GREB1L: variants seen among roughly 807,000 people sequenced by gnomAD.
The protein encoded by GREB1L is GREB1-like protein.
A neutral mutation model predicts 200.8 loss-of-function variants in GREB1L; 17 were observed. That is an observed-to-expected ratio of 0.08 (90% CI 0.06 to 0.13). The LOEUF is 0.13. Among genes scored for constraint, GREB1L ranks in the 10% least tolerant of loss-of-function variants. GREB1L has a pLI of 1.00. For synonymous variants in GREB1L, 789 were observed against 893.0 expected (o/e 0.88, Z 2.08); for missense variants, 1,657 against 2,367.7 (o/e 0.70, Z 6.23).
intron 2 of GREB1L, among the ~76,000 whole-genome samples, chr18:21,369,981 G>T (rs1227566845): frequency 3.4e-5 from 5 of 148,944 alleles, no homozygotes; most frequent in Non-Finnish European, 7.4e-5. Flanking sequence ...AAAGAAAAAA[G>T]AAATTCATCC....
At chr18:21,473,858 G>A (rs766682446) in intron 16 of GREB1L, among the ~76,000 whole-genome samples, 57 of 152,140 alleles carry the variant, frequency 3.7e-4, no homozygotes, top group Non-Finnish European at 7.3e-4. Flanking sequence ...CATAAGGCAG[G>A]GAGGAGCAAG....
At chr18:21,306,428 T>C (rs531137762) in intron 1 of GREB1L, among the ~76,000 whole-genome samples, 6 of 152,338 alleles carry the variant, frequency 3.9e-5, no homozygotes, top group African/African-American at 1.4e-4. Flanking sequence ...CTAGCAATCA[T>C]AGCTTTTTCT....
chr18:21,499,839 G>A lies in GREB1L; in HGVS notation c.3502G>A (p.Gly1168Arg), dbSNP rs1453041264. Residue 1168 changes from glycine (G) to arginine (R), a missense_variant, in exon 22 of 33, where the codon GGG becomes AGG. Gly to Arg is a moderately radical substitution (Grantham distance 125). This residue lies in a region of GREB1L where 512 missense variants were observed against 668.3 expected (regional missense o/e 0.77). Transcript: ENST00000424526. ...AGCCACCAGCTTGGGGCTGGATGAAGGGGTCTCCGCCAGCTCAGCTGGAGC... is the reference window on the plus strand; with the variant it reads ...AGCCACCAGCTTGGGGCTGGATGAAAGGGTCTCCGCCAGCTCAGCTGGAGC... ...SPATSLGLDEGVSASSAGAGA... is the reference protein window; with the variant it reads ...SPATSLGLDERVSASSAGAGA... The A allele has an allele frequency of 6.4e-7, 1 of 1,551,566 alleles. No individual in the cohort carries two copies. The highest frequency in any genetic ancestry group is 1.4e-5 in the African/African-American group (1 of 73,060).
At chr18:21,338,502 C>T (rs1016968367) in intron 1 of GREB1L, among the ~76,000 whole-genome samples, 3 of 152,218 alleles carry the variant, frequency 2.0e-5, no homozygotes, top group African/African-American at 7.2e-5. Flanking sequence ...CTTGCTACTC[C>T]AGTTTATCAT....
chr18:21,273,406 T>A (rs555338053), intron 1 of GREB1L, among the ~76,000 whole-genome samples: 31 of 152,274 alleles, frequency 2.0e-4, no homozygotes, highest in African/African-American at 7.2e-4. Flanking sequence ...TCAGTTTGAG[T>A]GGCCTTATAT....
chr18:21,248,035 G>A (rs1485447356), intron 1 of GREB1L, among the ~76,000 whole-genome samples: 1 of 152,202 alleles, frequency 6.6e-6, no homozygotes, highest in African/African-American at 2.4e-5. Context: ...AAATAATCCA[G>A]AAATATCATA....
chr18:21,313,860 C>T (rs2038828319), intron 1 of GREB1L, among the ~76,000 whole-genome samples: 1 of 152,230 alleles, frequency 6.6e-6, no homozygotes, highest in African/African-American at 2.4e-5. Flanking sequence ...AATTACTCTG[C>T]TGTTTCCTCA....
At chr18:21,458,538 G>T (rs969153863) in intron 15 of GREB1L, among the ~76,000 whole-genome samples, 5 of 152,192 alleles carry the variant, frequency 3.3e-5, no homozygotes, top group Non-Finnish European at 5.9e-5. Context: ...CCTTGGCAGT[G>T]CCTGCATGGC....
At chr18:21,285,682 A>G (rs2038343584) in intron 1 of GREB1L, among the ~76,000 whole-genome samples, 2 of 152,254 alleles carry the variant, frequency 1.3e-5, no homozygotes, top group Non-Finnish European at 2.9e-5. Flanking sequence ...ATTAATTTCT[A>G]TCTAAAGCAT....
At chr18:21,375,739 C>T (rs1341852046) in intron 2 of GREB1L, among the ~76,000 whole-genome samples, 2 of 152,128 alleles carry the variant, frequency 1.3e-5, no homozygotes, top group Admixed American at 6.6e-5. Flanking sequence ...TAGGCAAGTT[C>T]CTTAACTTCT....
intron 1 of GREB1L, among the ~76,000 whole-genome samples, chr18:21,341,651 G>T (rs2039271857): frequency 6.6e-6 from 1 of 152,134 alleles, no homozygotes; most frequent in African/African-American, 2.4e-5. Context: ...GGGATTATAG[G>T]TGTGAGCCAC....
intron 1 of GREB1L, among the ~76,000 whole-genome samples, chr18:21,352,697 G>A (rs2039451335): frequency 6.6e-6 from 1 of 151,866 alleles, no homozygotes; most frequent in Non-Finnish European, 1.5e-5. Flanking sequence ...GCCTCCGAAA[G>A]TGCTGGGATT....
rs1259173306 is a variant in GREB1L at position 21,505,848 on chromosome 18, C to T, written c.4267C>T (p.Arg1423Trp). The change falls in exon 25 of 33, where the codon CGG (arginine) becomes TGG (tryptophan). Residue 1423 changes from arginine (R) to tryptophan (W), a missense_variant. Arg to Trp is a moderately radical substitution (Grantham distance 101). Around this residue, in one of 9 missense-constraint regions of GREB1L, gnomAD observed 512 missense variants for 668.3 expected, o/e 0.77. Coordinates refer to ENST00000424526, the MANE Select transcript of GREB1L (RefSeq NM_001142966.3). The stretch of plus-strand genomic sequence containing the variant: ...ATCCAAAGTTGAAGAGCCCAGGAAA[C>T]GGGAAACTGTATCCATAATGCTGAC... ...KESKVEEPRK[R>W]ETVSIMLTKY... is the part of the protein sequence containing the mutation. 5.2e-6 allele frequency: 8 copies of T among 1,551,688 alleles called. No homozygotes were observed. Among genetic ancestry groups the T allele is most frequent in the East Asian group, 2.4e-5 (1 of 40,936 alleles).
At chr18:21,489,899 ACTGATCAGTAGCCCCTT>A (rs1449556914) in intron 18 of GREB1L, 96 bp from the exon 19 acceptor site, 3 of 733,934 alleles carry the variant, frequency 4.1e-6, no homozygotes, top group Non-Finnish European at 6.7e-6. Flanking sequence ...GCCCCACCAC[ACTGATCAGTAGCCCCTT>A]CCCCACCATG....
chr18:21,290,754 G>A (rs555061945), intron 1 of GREB1L, among the ~76,000 whole-genome samples: 2 of 151,698 alleles, frequency 1.3e-5, no homozygotes, highest in South Asian at 4.2e-4. Context: ...GAACCTGGGA[G>A]GTGGAGGTTG....
rs1188032352 is a variant in GREB1L, at chr18:21,384,093, G to A, written c.158-113G>A. Reference sequence around the variant, plus strand: ...ATCTTGGGACCTCTGAGATAAATTGGCTAAATGTTAGAAAATGCTAGACCT... The same window carrying A: ...ATCTTGGGACCTCTGAGATAAATTGACTAAATGTTAGAAAATGCTAGACCT... On this transcript the variant is annotated intron_variant, in intron 3 of 32. Coordinates refer to ENST00000424526, the MANE Select transcript of GREB1L (RefSeq NM_001142966.3). 7.8e-6 allele frequency: 6 copies of A among 771,722 alleles called. 1 individual carries two copies. The Admixed American group carries it at 9.1e-5, about 12-fold the overall frequency. 47.8% of individuals were successfully genotyped at this position (771,722 alleles called of 1,614,324 possible). A position where few individuals can be genotyped will look rare whatever the true frequency, so the allele number is the denominator to read the frequency against.
intron 26 of GREB1L, 54 bp downstream of exon 26, chr18:21,508,333 T>G: frequency 6.5e-7 from 1 of 1,550,066 alleles, no homozygotes. Flanking sequence ...TTAAGCGTCT[T>G]CAATCTAGAG....
chr18:21,296,942 A>G (rs1435809792), intron 1 of GREB1L, among the ~76,000 whole-genome samples: 1 of 152,226 alleles, frequency 6.6e-6, no homozygotes, highest in Non-Finnish European at 1.5e-5. Context: ...GGCATGAGCC[A>G]TCATTCTGCT....
intron 1 of GREB1L, among the ~76,000 whole-genome samples, chr18:21,352,501 T>TGGTG (rs1476849538): frequency 6.6e-6 from 1 of 151,314 alleles, no homozygotes; most frequent in East Asian, 1.9e-4. Context: ...TGGTGAGATC[T>TGGTG]CGGCTCACTG....
Sources: allele counts gnomAD v4.1 joint callset (sites outside exome capture counted in the v4.1 genomes callset), GRCh38; gene constraint gnomAD v4.1.1; regional missense constraint gnomAD v4.1.1; transcripts MANE v1.5; gene names NCBI Gene and HGNC (gene_info 2026-07-23, HGNC 2026-07-21).